The following CAMTA1 variants were observed in gnomAD, a reference collection of about 807,000 sequenced individuals.
CAMTA1 encodes the protein calmodulin binding transcription activator 1, also known as calmodulin-binding transcription activator 1.
Under a neutral mutation model 170.9 loss-of-function variants are expected in CAMTA1, and 27 were observed. The ratio of observed to expected loss-of-function variants is 0.16; its 90% CI spans 0.12 to 0.22. CAMTA1 has a LOEUF of 0.22. Among genes scored for constraint, CAMTA1 ranks in the 10% least tolerant of loss-of-function variants. The probability of loss-of-function intolerance (pLI) is 1.00; values close to 1 mark genes in which losing one functional copy is unlikely to be tolerated. For synonymous variants in CAMTA1, 833 were observed against 891.5 expected (o/e 0.93, Z 1.17); for missense variants, 1,619 against 2,217.2 (o/e 0.73, Z 5.42).
At chr1:6,798,772 A>T (rs1335297978) in intron 1 of CAMTA1, among the ~76,000 whole-genome samples, 1 of 125,014 alleles carries the variant, frequency 8.0e-6, no homozygotes, top group African/African-American at 3.1e-5. Flanking sequence ...AATTTTTTGT[A>T]TTTTTAGTAG....
intron 6 of CAMTA1, among the ~76,000 whole-genome samples, chr1:7,509,507 A>C (rs1005028755): frequency 2.0e-5 from 3 of 152,076 alleles, no homozygotes; most frequent in African/African-American, 7.3e-5. Context: ...GGTTTACTCT[A>C]TTTCTGGATT....
chr1:7,110,326 G>A (rs1443108371), intron 4 of CAMTA1, among the ~76,000 whole-genome samples: 1 of 152,006 alleles, frequency 6.6e-6, no homozygotes, highest in Non-Finnish European at 1.5e-5. Flanking sequence ...AATGTTCTGA[G>A]GCAGCTTAAT....
intron 6 of CAMTA1, among the ~76,000 whole-genome samples, chr1:7,515,749 G>C (rs536363597): frequency 6.6e-6 from 1 of 152,186 alleles, no homozygotes; most frequent in East Asian, 1.9e-4. Context: ...GCCCTGGACA[G>C]ACCTGGTTTC....
intron 5 of CAMTA1, among the ~76,000 whole-genome samples, chr1:7,447,236 G>A (rs1209530465): frequency 6.6e-6 from 1 of 152,018 alleles, no homozygotes; most frequent in Non-Finnish European, 1.5e-5. Flanking sequence ...CGTGGATGGT[G>A]TAGCACCATC....
chr1:7,575,707 A>G (rs954445385), intron 6 of CAMTA1, among the ~76,000 whole-genome samples: 1 of 151,062 alleles, frequency 6.6e-6, no homozygotes, highest in Non-Finnish European at 1.5e-5. Context: ...GTGATTGATT[A>G]GTAATGTCTG....
intron 5 of CAMTA1, among the ~76,000 whole-genome samples, chr1:7,346,808 C>G (rs540078992): frequency 1.3e-5 from 2 of 152,120 alleles, no homozygotes; most frequent in Non-Finnish European, 2.9e-5. Flanking sequence ...GTGGCACCCC[C>G]AGCAGAGACC....
At chr1:7,368,749 C>T (rs1323459916) in intron 5 of CAMTA1, among the ~76,000 whole-genome samples, 3 of 152,228 alleles carry the variant, frequency 2.0e-5, no homozygotes, top group Non-Finnish European at 4.4e-5. Context: ...GTACCTGGCT[C>T]GCTGTGGTGT....
At chr1:7,005,819 T>A (rs2100698410) in intron 3 of CAMTA1, among the ~76,000 whole-genome samples, 1 of 152,362 alleles carries the variant, frequency 6.6e-6, no homozygotes, top group South Asian at 2.1e-4. Context: ...TTGAGTCCTG[T>A]GTACTTGAGT....
intron 6 of CAMTA1, among the ~76,000 whole-genome samples, chr1:7,622,890 C>T (rs957807808): frequency 6.6e-6 from 1 of 152,242 alleles, no homozygotes; most frequent in South Asian, 2.1e-4. Flanking sequence ...AACCTCTGTG[C>T]TTTCTTGTTT....
intron 5 of CAMTA1, among the ~76,000 whole-genome samples, chr1:7,372,842 G>C (rs1389575747): frequency 6.6e-6 from 1 of 152,194 alleles, no homozygotes; most frequent in African/African-American, 2.4e-5. Context: ...CAGCCATCTA[G>C]AGCCGCCCGC....
At chr1:7,225,520 C>T (rs905647546) in intron 4 of CAMTA1, among the ~76,000 whole-genome samples, 13 of 152,202 alleles carry the variant, frequency 8.5e-5, no homozygotes, top group African/African-American at 2.7e-4. Flanking sequence ...TGGAACTTCC[C>T]TTTCCTGGGG....
At chr1:7,210,651 A>G (rs926843330) in intron 4 of CAMTA1, among the ~76,000 whole-genome samples, 3 of 152,222 alleles carry the variant, frequency 2.0e-5, no homozygotes, top group Non-Finnish European at 4.4e-5. Flanking sequence ...GTCTGAATCA[A>G]TTATTATAAT....
chr1:7,470,320 G>A (rs1424650656), intron 6 of CAMTA1, among the ~76,000 whole-genome samples: 8 of 152,350 alleles, frequency 5.3e-5, no homozygotes, highest in Admixed American at 6.5e-5. Context: ...AGCCGGTGCC[G>A]CTCAGGGCAA....
chr1:7,273,596 G>GA (rs1179525642), intron 5 of CAMTA1, among the ~76,000 whole-genome samples: 2 of 152,194 alleles, frequency 1.3e-5, no homozygotes, highest in Non-Finnish European at 2.9e-5. Context: ...GGGATGAGGG[G>GA]TGACTGCTAA....
chr1:7,026,036 C>T (rs1701969887), intron 3 of CAMTA1, among the ~76,000 whole-genome samples: 1 of 151,802 alleles, frequency 6.6e-6, no homozygotes, highest in African/African-American at 2.4e-5. Context: ...AGGAGGATTG[C>T]TTGAGCCCGG....
intron 3 of CAMTA1, among the ~76,000 whole-genome samples, chr1:6,953,405 G>T (rs564298060): frequency 6.6e-6 from 1 of 152,242 alleles, no homozygotes; most frequent in East Asian, 1.9e-4. Flanking sequence ...TTCTCGCCGC[G>T]TGAGTCCCCT....
At chr1:7,576,296 C>T (rs1416983870) in intron 6 of CAMTA1, among the ~76,000 whole-genome samples, 1 of 152,178 alleles carries the variant, frequency 6.6e-6, no homozygotes, top group African/African-American at 2.4e-5. Flanking sequence ...AGGCGTGAAC[C>T]ACCGTGCCAG....
chr1:7,280,616 G>T (rs1290352060), intron 5 of CAMTA1, among the ~76,000 whole-genome samples: 2 of 152,356 alleles, frequency 1.3e-5, no homozygotes, highest in East Asian at 3.9e-4. Flanking sequence ...TCACTGTTCA[G>T]GTAATTGCTT....
intron 3 of CAMTA1, among the ~76,000 whole-genome samples, chr1:7,073,078 A>G (rs1638853173): frequency 1.3e-5 from 2 of 152,208 alleles, no homozygotes; most frequent in African/African-American, 4.8e-5. Flanking sequence ...AGGCGGCAGC[A>G]ATTAAGATGG....
Sources: gnomAD v4.1 joint callset for allele counts (sites outside exome capture counted in the v4.1 genomes callset) on GRCh38, gnomAD v4.1.1 for gene constraint, MANE v1.5 for transcripts, NCBI Gene and HGNC (gene_info 2026-07-23, HGNC 2026-07-21) for gene names.